Variants in ATG2B observed in about 807,000 individuals in gnomAD.
ATG2B encodes autophagy related 2B.
In ATG2B, 121 loss-of-function variants were observed where a neutral mutation model predicts 241.3. That is an observed-to-expected ratio of 0.50 (90% confidence interval 0.43 to 0.58). The LOEUF (loss-of-function observed/expected upper bound fraction) is 0.58, where lower values mean the gene tolerates loss of function less well. ATG2B is among the 20% of genes least tolerant of loss of function. ATG2B has a pLI of 0.00. For missense variants in ATG2B, 2,306 were observed against 2,491.6 expected (o/e 0.93, Z 1.59); for synonymous variants, 858 against 876.6 (o/e 0.98, Z 0.37).
Position 96,308,280 on chromosome 14 carries a change from ATATTT to A in ATG2B, c.4303+1168_4303+1172del, listed in dbSNP as rs1566719992. On this transcript the variant is annotated intron_variant, in intron 29 of 41. Transcript: ENST00000359933. ...CACATATATATATATATATATATAT[ATATTT>A]TTTTTTTTTTTTTTTTTGAGACAGA... Among the ~76,000 whole-genome samples, 67 of 28,642 alleles carry A rather than the reference ATATTT, an allele frequency of 2.3e-3. 3 individuals are homozygous for A. The highest frequency in any genetic ancestry group is 7.8e-3 in the African/African-American group (63 of 8,066). 18.8% of individuals were successfully genotyped at this position (28,642 alleles called of 152,430 possible).
In ATG2B at chr14:96,317,286, C is replaced by G. The variant is rs377735404; in HGVS notation, c.3069G>C (p.Leu1023Phe). 1 of 1,613,436 alleles carries G rather than the reference C, an allele frequency of 6.2e-7. No homozygotes were observed. The highest frequency in any genetic ancestry group is 8.5e-7 in the Non-Finnish European group (1 of 1,179,748). Residue 1023 changes from leucine (L) to phenylalanine (F), a missense_variant, in exon 20 of 42, where the codon TTG becomes TTC. Transcript: ENST00000359933. ...TGGGATCAACAGTGGAAAAATACTG[C>G]AAAGTCTCCTCCTCAGATCCACTTT... is the stretch of plus-strand genomic sequence containing the variant. ...DEESGSEEET[L>F]QYFSTVDPNY... is the part of the protein sequence containing the mutation.
intron 1 of ATG2B, among the ~76,000 whole-genome samples, chr14:96,353,644 A>ATG: frequency 7.9e-6 from 1 of 125,918 alleles, no homozygotes; most frequent in Non-Finnish European, 1.9e-5. Context: ...TTCATATTTT[A>ATG]TATATATATA....
chr14:96,306,291 A>C (rs1183999150), intron 30 of ATG2B, among the ~76,000 whole-genome samples: 1 of 150,516 alleles, frequency 6.6e-6, no homozygotes. Context: ...ATTCCTGGAA[A>C]GTTTCCAAAT....
At chr14:96,286,228 G>A (rs1228389027) in intron 41 of ATG2B, among the ~76,000 whole-genome samples, 1 of 152,180 alleles carries the variant, frequency 6.6e-6, no homozygotes, top group African/African-American at 2.4e-5. Context: ...CGTGGAAAAT[G>A]TAGGTAAACT....
intron 11 of ATG2B, 46 bp from the exon 12 acceptor site, chr14:96,329,680 A>C (rs770096332): frequency 7.7e-7 from 1 of 1,302,616 alleles, no homozygotes; most frequent in Non-Finnish European, 1.1e-6. Context: ...GTTAAAATGT[A>C]ACAATTATCC....
Position 96,303,068 on chromosome 14 carries a change from G to C in ATG2B, c.5030C>G (p.Ser1677Cys). 6.3e-7 allele frequency: 1 copy of C among 1,587,910 alleles called. No individual in the cohort carries two copies. Among genetic ancestry groups the C allele is most frequent in the Non-Finnish European group, 8.6e-7 (1 of 1,166,196 alleles). ...GATGAGGTTAACTCTTACCATGTTG[G>C]AGTGAGCTTTTCGAGGCATTTCTTT... is the stretch of plus-strand genomic sequence containing the variant. ...CSKEMPRKAH[S>C]NMLTVKALHV... The change falls in exon 33 of 42, where the codon TCC (serine) becomes TGC (cysteine). Residue 1677 changes from serine to cysteine, a missense_variant. Physicochemically the swap from Ser to Cys is moderately radical, Grantham distance 112. Transcript: ENST00000359933.
At chr14:96,347,433 T>A in intron 1 of ATG2B, 92 bp from the exon 2 acceptor site, 1 of 959,658 alleles carries the variant, frequency 1.0e-6, no homozygotes, top group Non-Finnish European at 1.5e-6. Flanking sequence ...CCCACACATG[T>A]TAGGCACTAG....
intron 29 of ATG2B, among the ~76,000 whole-genome samples, 161 bp downstream of exon 29, chr14:96,309,292 C>T (rs1444405589): frequency 6.6e-6 from 1 of 152,192 alleles, no homozygotes; most frequent in Non-Finnish European, 1.5e-5. Context: ...CCAGAGTTAC[C>T]TATTTACTAG....
rs1448397683 is a variant in ATG2B at position 96,342,678 on chromosome 14, C to A, written c.744+441G>T. Reference sequence around the variant, plus strand: ...TGGAGGTTGCAGTGAGTCGAGATTGCGCCACTGCACACCAGCCTGGGCGAC... The same window carrying A: ...TGGAGGTTGCAGTGAGTCGAGATTGAGCCACTGCACACCAGCCTGGGCGAC... On this transcript the variant is annotated intron_variant, in intron 5 of 41. Transcript: ENST00000359933. Among the ~76,000 whole-genome samples, 16 of 148,626 alleles carry A rather than the reference C, an allele frequency of 1.1e-4. 1 individual carries two copies. Among genetic ancestry groups the A allele is most frequent in the African/African-American group, 4.0e-4 (16 of 39,990 alleles).
At chr14:96,355,172 G>A (rs11846957) in intron 1 of ATG2B, among the ~76,000 whole-genome samples, 48,949 of 151,764 alleles carry the variant, frequency 0.32, 8,472 homozygotes, top group African/African-American at 0.44. Flanking sequence ...TGCTTTTGTT[G>A]CAATTGCTTT....
At chr14:96,342,423 T>C (rs1296452177) in intron 5 of ATG2B, among the ~76,000 whole-genome samples, 1 of 152,132 alleles carries the variant, frequency 6.6e-6, no homozygotes, top group Non-Finnish European at 1.5e-5. Flanking sequence ...GTATAAGGCA[T>C]ATATGAAACA....
rs6575581 is a variant in ATG2B, at chr14:96,331,164, T to C, written c.1730+212A>G. On this transcript the variant is annotated intron_variant, in intron 11 of 41. Transcript: ENST00000359933. The stretch of plus-strand genomic sequence containing the variant: ...AAACTCCTATTATCTAGATCTGTTA[T>C]TCTGCATGCCAAATAACCTGAATGA... Among the ~76,000 whole-genome samples the C allele has an allele frequency of 0.31, 47,619 of 152,184 alleles. 7,934 individuals are homozygous for C. Among genetic ancestry groups the C allele is most frequent in the Middle Eastern group, 0.43 (125 of 294 alleles).
chr14:96,328,384 G>A lies in ATG2B; in HGVS notation c.2126C>T (p.Ser709Phe), dbSNP rs1237280920. The change falls in exon 14 of 42, where the codon TCC becomes TTC. Residue 709 changes from serine to phenylalanine, a missense_variant. Around this residue, in one of 2 missense-constraint regions of ATG2B, gnomAD observed 1,927 missense variants for 2,011.2 expected, o/e 0.96. Coordinates refer to ENST00000359933, the MANE Select transcript of ATG2B (RefSeq NM_018036.7). Reference protein sequence around the residue: ...QKLATVEMMASHMYTSYNKHI... With the variant: ...QKLATVEMMAFHMYTSYNKHI... ...TTTATTATATGAAGTATACATGTGG[G>A]ATGCCATCATCTCTACTGTGGCAAG... 6.2e-7 allele frequency: 1 copy of A among 1,612,770 alleles called. No individual in the cohort carries two copies. The highest frequency in any genetic ancestry group is 8.5e-7 in the Non-Finnish European group (1 of 1,179,478).
At chr14:96,329,130 T>C (rs1326705916) in intron 12 of ATG2B, among the ~76,000 whole-genome samples, 4 of 152,208 alleles carry the variant, frequency 2.6e-5, no homozygotes, top group Admixed American at 2.6e-4. Flanking sequence ...ACATTTAACT[T>C]GTCTTAAACA....
chr14:96,341,670 T>A lies in ATG2B; in HGVS notation c.776A>T (p.Asn259Ile). 6.3e-7 allele frequency: 1 copy of A among 1,589,870 alleles called. No homozygotes were observed. The highest frequency in any genetic ancestry group is 8.6e-7 in the Non-Finnish European group (1 of 1,165,820). Reference protein sequence around the residue: ...ETEPKLSPSWNPKIIYEPHPQ... With the variant: ...ETEPKLSPSWIPKIIYEPHPQ... ...GTGTGGCTCATAAATAATTTTGGGG[T>A]TCCAGCTAGGTGAGAGCTTTGGCTC... The change falls in exon 6 of 42, where the codon AAC (asparagine) becomes ATC (isoleucine). Residue 259 changes from asparagine (N) to isoleucine (I), a missense_variant. Coordinates refer to ENST00000359933, the MANE Select transcript of ATG2B (RefSeq NM_018036.7).
At chr14:96,301,883 A>G (rs1009049759) in intron 34 of ATG2B, 124 bp downstream of exon 34, 1 of 692,970 alleles carries the variant, frequency 1.4e-6, no homozygotes, top group East Asian at 2.8e-5. Context: ...ATTCTTTATC[A>G]GAAGTTTGCT....
intron 14 of ATG2B, among the ~76,000 whole-genome samples, chr14:96,326,856 A>T (rs1370823919): frequency 2.4e-4 from 36 of 152,132 alleles, no homozygotes; most frequent in Admixed American, 2.4e-3. Flanking sequence ...CACCACACCC[A>T]TCCAGACTTG....
chr14:96,310,457 A>G (rs1887119664), intron 28 of ATG2B, among the ~76,000 whole-genome samples: 1 of 152,228 alleles, frequency 6.6e-6, no homozygotes, highest in Admixed American at 6.5e-5. Context: ...AAAAGAAAAA[A>G]TGCTAAACAA....
intron 34 of ATG2B, among the ~76,000 whole-genome samples, chr14:96,300,826 C>T (rs561231891): frequency 3.3e-5 from 5 of 152,358 alleles, no homozygotes; most frequent in African/African-American, 1.2e-4. Flanking sequence ...CTTCACAGTA[C>T]ATTTTCTCTA....
Sources: allele counts gnomAD v4.1 joint callset (sites outside exome capture counted in the v4.1 genomes callset), GRCh38; gene constraint gnomAD v4.1.1; regional missense constraint gnomAD v4.1.1; transcripts MANE v1.5; gene names NCBI Gene and HGNC (gene_info 2026-07-23, HGNC 2026-07-21).